The following LOC128092252 variants were observed in gnomAD, a reference collection of about 807,000 sequenced individuals.
the LOC128092252 span, among the ~76,000 whole-genome samples, chr15:50,672,361 T>C: frequency 6.6e-6 from 1 of 151,522 alleles, no homozygotes; most frequent in African/African-American, 2.4e-5. Flanking sequence ...CGGCCACTCC[T>C]ACCTATTTTT....
the LOC128092252 span, among the ~76,000 whole-genome samples, chr15:50,655,291 G>A: frequency 2.0e-5 from 3 of 151,754 alleles, no homozygotes; most frequent in African/African-American, 7.3e-5. Flanking sequence ...AAATGAGCCA[G>A]GCATGGTGGC....
At chr15:50,673,896 C>T in the LOC128092252 span, among the ~76,000 whole-genome samples, 1 of 152,068 alleles carries the variant, frequency 6.6e-6, no homozygotes, top group Non-Finnish European at 1.5e-5. Context: ...AGAAGTGTTC[C>T]CTGTTTACCA....
At chr15:50,669,801 C>T in the LOC128092252 span, among the ~76,000 whole-genome samples, 1 of 151,980 alleles carries the variant, frequency 6.6e-6, no homozygotes, top group Non-Finnish European at 1.5e-5. Context: ...AAAGGGATGG[C>T]TAATGTAAAA....
the LOC128092252 span, among the ~76,000 whole-genome samples, chr15:50,661,944 G>A: frequency 6.6e-6 from 1 of 152,124 alleles, no homozygotes; most frequent in African/African-American, 2.4e-5. Context: ...TTTGCTGGGT[G>A]CGGTGGCTCA....
the LOC128092252 span, among the ~76,000 whole-genome samples, chr15:50,658,365 G>A: frequency 6.6e-6 from 1 of 151,672 alleles, no homozygotes; most frequent in Non-Finnish European, 1.5e-5. Context: ...TTGAGTCCAG[G>A]AGTTTAAGAT....
the LOC128092252 span, among the ~76,000 whole-genome samples, chr15:50,655,103 TCAATA>T: frequency 6.9e-6 from 1 of 145,592 alleles, no homozygotes; most frequent in Non-Finnish European, 1.5e-5. Flanking sequence ...TAGAAATTAT[TCAATA>T]CATCAGATAA....
At chr15:50,672,227 G>A in the LOC128092252 span, among the ~76,000 whole-genome samples, 1 of 152,066 alleles carries the variant, frequency 6.6e-6, no homozygotes, top group East Asian at 1.9e-4. Flanking sequence ...CTAATTTTTT[G>A]TATTTTTAGT....
the LOC128092252 span, among the ~76,000 whole-genome samples, chr15:50,658,733 T>C: frequency 2.0e-5 from 3 of 152,220 alleles, no homozygotes; most frequent in East Asian, 1.9e-4. Flanking sequence ...TCTAAAAGCA[T>C]AGGCTAAAAC....
At chr15:50,663,221 C>T in the LOC128092252 span, among the ~76,000 whole-genome samples, 3 of 151,830 alleles carry the variant, frequency 2.0e-5, no homozygotes, top group South Asian at 2.1e-4. Context: ...CTCCGCCTCC[C>T]GGGTTCAAGT....
the LOC128092252 span, chr15:50,649,024 T>C: frequency 1.8e-6 from 1 of 543,120 alleles, no homozygotes; most frequent in Non-Finnish European, 3.0e-6. Flanking sequence ...AGCTTTTTGA[T>C]TTTAGGATAT....
the LOC128092252 span, among the ~76,000 whole-genome samples, chr15:50,674,414 G>A: frequency 6.6e-6 from 1 of 152,210 alleles, no homozygotes; most frequent in Non-Finnish European, 1.5e-5. Flanking sequence ...TTACAGGGGT[G>A]AGCCGTGGCA....
At chr15:50,684,418 A>T in the LOC128092252 span, among the ~76,000 whole-genome samples, 4 of 152,104 alleles carry the variant, frequency 2.6e-5, no homozygotes, top group Non-Finnish European at 5.9e-5. Context: ...AGACAGCCAG[A>T]TCACTGGACA....
At chr15:50,655,437 G>GA in the LOC128092252 span, among the ~76,000 whole-genome samples, 12,001 of 88,722 alleles carry the variant, frequency 0.14, 709 homozygotes, top group South Asian at 0.16. Context: ...CATCTCAAAG[G>GA]AAAAAAAAAA....
At chr15:50,680,304 G>T in the LOC128092252 span, among the ~76,000 whole-genome samples, 1 of 152,082 alleles carries the variant, frequency 6.6e-6, no homozygotes, top group Admixed American at 6.6e-5. Flanking sequence ...ACTTTAGGAG[G>T]CCAAGGCAGG....
At chr15:50,678,506 T>TAAAAA in the LOC128092252 span, among the ~76,000 whole-genome samples, 8 of 128,730 alleles carry the variant, frequency 6.2e-5, no homozygotes, top group African/African-American at 2.4e-4. Context: ...TTCCATTCTT[T>TAAAAA]AAAAAAAAAA....
the LOC128092252 span, among the ~76,000 whole-genome samples, chr15:50,668,391 A>G: frequency 6.6e-6 from 1 of 152,246 alleles, no homozygotes; most frequent in Non-Finnish European, 1.5e-5. Context: ...GCTATTAACA[A>G]TTGAGTAAAG....
the LOC128092252 span, among the ~76,000 whole-genome samples, chr15:50,671,063 G>A: frequency 3.9e-5 from 6 of 152,034 alleles, no homozygotes; most frequent in Non-Finnish European, 7.4e-5. Flanking sequence ...TTTTTTTGTG[G>A]TGAGACCACT....
chr15:50,679,533 T>TATGTGTATATATATA, the LOC128092252 span, among the ~76,000 whole-genome samples: 1 of 51,792 alleles, frequency 1.9e-5, no homozygotes, highest in African/African-American at 8.2e-5. Context: ...TATATATATA[T>TATGTGTATATATATA]ATATATTTTT....
At chr15:50,657,154 T>C in the LOC128092252 span, among the ~76,000 whole-genome samples, 7 of 152,052 alleles carry the variant, frequency 4.6e-5, no homozygotes, top group African/African-American at 1.4e-4. Context: ...TGAAACCCCA[T>C]TTCTACTAAG....
Sources: allele counts gnomAD v4.1 joint callset (sites outside exome capture counted in the v4.1 genomes callset), GRCh38; gene constraint gnomAD v4.1.1; transcripts MANE v1.5.